The following MBNL2 variants were observed in gnomAD, a reference collection of about 807,000 sequenced individuals.
MBNL2 encodes muscleblind-like protein 2.
A neutral mutation model predicts 41.9 loss-of-function variants in MBNL2; 17 were observed. The observed-to-expected ratio is 0.41, with a 90% CI of 0.28 to 0.61. The LOEUF (loss-of-function observed/expected upper bound fraction) is 0.61, where lower values mean the gene tolerates loss of function less well. Among genes scored for constraint, MBNL2 ranks in the 20% least tolerant of loss-of-function variants. The pLI is 0.35. For missense variants in MBNL2, 336 were observed against 505.6 expected, an observed-to-expected ratio of 0.66 and a Z score of 3.22; for synonymous variants, 195 against 182.9, an observed-to-expected ratio of 1.07 and a Z score of -0.53.
chr13:97,345,749 CCCCCA>C (rs765314484), intron 4 of MBNL2, among the ~76,000 whole-genome samples: 11 of 149,288 alleles, frequency 7.4e-5, no homozygotes, highest in South Asian at 2.2e-4. Context: ...GTTCAGATTC[CCCCCA>C]CCCCACCCCA....
At chr13:97,288,160 A>G (rs1428225040) in intron 2 of MBNL2, among the ~76,000 whole-genome samples, 2 of 150,872 alleles carry the variant, frequency 1.3e-5, no homozygotes, top group Non-Finnish European at 2.9e-5. Context: ...AAAAGAAAAA[A>G]TAAACGGGCA....
chr13:97,192,274 A>AT, the MBNL2 span, among the ~76,000 whole-genome samples: 1 of 152,186 alleles, frequency 6.6e-6, no homozygotes, highest in East Asian at 1.9e-4. Flanking sequence ...TTTAGATCAG[A>AT]TCTGACCCCA....
chr13:97,368,774 T>C (rs1266771413), intron 8 of MBNL2, among the ~76,000 whole-genome samples: 1 of 151,726 alleles, frequency 6.6e-6, no homozygotes, highest in Non-Finnish European at 1.5e-5. Flanking sequence ...GTTGGAAGCA[T>C]GGAATATTCA....
At chr13:97,278,882 C>T (rs1039980687) in intron 2 of MBNL2, among the ~76,000 whole-genome samples, 17 of 152,136 alleles carry the variant, frequency 1.1e-4, no homozygotes, top group African/African-American at 4.1e-4. Context: ...GTAAAATAGA[C>T]CTGAGTCTAA....
the MBNL2 span, among the ~76,000 whole-genome samples, chr13:97,197,059 C>T: frequency 1.3e-5 from 2 of 152,168 alleles, no homozygotes; most frequent in Non-Finnish European, 2.9e-5. Context: ...AGTCACAGAA[C>T]CTCAAAAGAC....
chr13:97,244,080 T>C (rs1284149676), intron 1 of MBNL2, among the ~76,000 whole-genome samples: 1 of 152,202 alleles, frequency 6.6e-6, no homozygotes, highest in Non-Finnish European at 1.5e-5. Flanking sequence ...AACAGATTCA[T>C]CTCATGTAAC....
the MBNL2 span, among the ~76,000 whole-genome samples, chr13:97,168,158 T>G: frequency 6.6e-6 from 1 of 152,040 alleles, no homozygotes; most frequent in Non-Finnish European, 1.5e-5. Flanking sequence ...AGAGATGAGG[T>G]TTCACTAGTT....
intron 5 of MBNL2, among the ~76,000 whole-genome samples, chr13:97,355,459 C>T (rs2062902121): frequency 6.6e-6 from 1 of 152,030 alleles, no homozygotes; most frequent in Non-Finnish European, 1.5e-5. Context: ...TATTTCAGAA[C>T]TTTAGAATAT....
intron 1 of MBNL2, among the ~76,000 whole-genome samples, chr13:97,244,524 G>A (rs2045040777): frequency 6.6e-6 from 1 of 152,208 alleles, no homozygotes; most frequent in Non-Finnish European, 1.5e-5. Flanking sequence ...TGAGAACCAT[G>A]AAACTTTGAC....
chr13:97,146,408 T>A, the MBNL2 span, among the ~76,000 whole-genome samples: 1 of 152,166 alleles, frequency 6.6e-6, no homozygotes, highest in South Asian at 2.1e-4. Flanking sequence ...CATGAACATA[T>A]GTATTTGTTC....
intron 2 of MBNL2, among the ~76,000 whole-genome samples, chr13:97,308,220 C>A (rs1028969033): frequency 6.6e-6 from 1 of 152,184 alleles, no homozygotes; most frequent in African/African-American, 2.4e-5. Context: ...AAAACTGTTG[C>A]GAGGGCTTTA....
At chr13:97,153,104 A>T in the MBNL2 span, among the ~76,000 whole-genome samples, 2 of 152,196 alleles carry the variant, frequency 1.3e-5, no homozygotes, top group East Asian at 1.9e-4. Context: ...CACCCCTCCA[A>T]ATAAAAAAGT....
rs972007842 is a variant in MBNL2, at chr13:97,284,742, A to T, written c.174+8333A>T. Among the ~76,000 whole-genome samples, 10 of 152,318 alleles carry T rather than the reference A, an allele frequency of 6.6e-5. No individual in the cohort carries two copies. The South Asian group carries it at 2.1e-3, about 32-fold the overall frequency. Reference sequence around the variant, plus strand: ...AGAGGAGGCTTGCAAAACTCCAGAAAGTCTTTGGTACTGAATCGAAGAAGG... The same window carrying T: ...AGAGGAGGCTTGCAAAACTCCAGAATGTCTTTGGTACTGAATCGAAGAAGG... On this transcript the variant is annotated intron_variant, in intron 2 of 8. Transcript: ENST00000679496.
chr13:97,195,529 A>AG, the MBNL2 span, among the ~76,000 whole-genome samples: 1 of 152,320 alleles, frequency 6.6e-6, no homozygotes, highest in East Asian at 1.9e-4. Flanking sequence ...CTTGTTTGTA[A>AG]GGCTCTTAGA....
the MBNL2 span, among the ~76,000 whole-genome samples, chr13:97,164,451 A>G: frequency 2.0e-5 from 3 of 152,224 alleles, no homozygotes; most frequent in Non-Finnish European, 4.4e-5. Context: ...ATAAATAAGG[A>G]ATGAGCAGAT....
the MBNL2 span, among the ~76,000 whole-genome samples, chr13:97,154,070 ATTCATTCACTCC>A: frequency 6.6e-6 from 1 of 152,210 alleles, no homozygotes; most frequent in African/African-American, 2.4e-5. Context: ...AATAAAAGGC[ATTCATTCACTCC>A]TTCATTCATT....
At chr13:97,221,384 A>G (rs977462147), upstream of MBNL2, 9 of 152,102 alleles carry the variant, frequency 5.9e-5, no homozygotes, top group Non-Finnish European at 8.8e-5. Flanking sequence ...AAATAAATAA[A>G]TAAATAAATA....
chr13:97,343,674 A>G (rs2061603129), intron 4 of MBNL2, among the ~76,000 whole-genome samples: 1 of 152,168 alleles, frequency 6.6e-6, no homozygotes, highest in Non-Finnish European at 1.5e-5. Flanking sequence ...ACAACTATTT[A>G]CCAATTGGTA....
At chr13:97,230,912 G>T (rs956749294) in intron 1 of MBNL2, among the ~76,000 whole-genome samples, 9 of 152,216 alleles carry the variant, frequency 5.9e-5, no homozygotes, top group African/African-American at 1.9e-4. Flanking sequence ...CGTATATACA[G>T]TTGACTTTTT....
Sources: gnomAD v4.1 joint callset for allele counts (sites outside exome capture counted in the v4.1 genomes callset) on GRCh38, gnomAD v4.1.1 for gene constraint, MANE v1.5 for transcripts, NCBI Gene and HGNC (gene_info 2026-07-23, HGNC 2026-07-21) for gene names.